The following ZFTA variants were observed in gnomAD, a reference collection of about 807,000 sequenced individuals.
The protein encoded by ZFTA is zinc finger translocation-associated protein.
Under a neutral mutation model 41.8 loss-of-function variants are expected in ZFTA, and 35 were observed. The observed-to-expected ratio is 0.84, with a 90% confidence interval of 0.64 to 1.11. The LOEUF (loss-of-function observed/expected upper bound fraction) is 1.11. Ranked by LOEUF, ZFTA falls within the 50% of genes most tolerant of loss-of-function variation. ZFTA has a pLI of 0.00. For synonymous variants in ZFTA, 514 were observed against 436.4 expected, an observed-to-expected ratio of 1.18 and a Z score of -2.22; for missense variants, 964 against 989.8, an observed-to-expected ratio of 0.97 and a Z score of 0.35.
Position 63,764,185 on chromosome 11 carries a change from A to C in ZFTA, c.1438T>G (p.Trp480Gly). The C allele has an allele frequency of 7.3e-7, 1 of 1,378,360 alleles. No homozygotes were observed. The highest frequency in any genetic ancestry group is 9.3e-7 in the Non-Finnish European group (1 of 1,075,224). 85.4% of individuals were successfully genotyped at this position (1,378,360 alleles called of 1,614,324 possible). The change falls in exon 4 of 5, where the codon TGG (tryptophan) becomes GGG (glycine). Residue 480 changes from tryptophan to glycine, a missense_variant. Trp to Gly is a radical substitution (Grantham distance 184). Coordinates refer to ENST00000433688, the MANE Select transcript of ZFTA (RefSeq NM_001144936.2). ...AGCAGGTGGGCGGCCTTCTCGCTCC[A>C]CTCCCGGGCGATGAGGGCCTGGACA... Reference protein sequence around the residue: ...GPVQALIAREWSEKAAHLLAL... With the variant: ...GPVQALIAREGSEKAAHLLAL...
rs1298496891 is a variant in ZFTA at position 63,765,871 on chromosome 11, C to T, written c.573G>A (p.Glu191=). ...CCTCCTCCTCCTCTTCTTCCTCCTC[C>T]TCCTCCTCCTCAGCCCCCTGGACCC... ...GLGVQGAEEE[E]EEEEEEEEEG... Residue 191 remains glutamate (E), a synonymous_variant, in exon 2 of 5, where the codon GAG becomes GAA. Coordinates refer to ENST00000433688, the MANE Select transcript of ZFTA (RefSeq NM_001144936.2). The surrounding 1 kb of genome is among the most constrained non-coding windows in gnomAD (Gnocchi z 4.0). 15 of 1,526,378 alleles carry T rather than the reference C, an allele frequency of 9.8e-6. No homozygotes were observed. Among genetic ancestry groups the T allele is most frequent in the Non-Finnish European group, 8.8e-7 (1 of 1,136,372 alleles). The allele number at this position is 1,526,378 out of a possible 1,614,324, so 94.6% of individuals were successfully genotyped here. A position where few individuals can be genotyped will look rare whatever the true frequency, so the allele number is the denominator to read the frequency against.
chr11:63,768,450 G>C, intron 1 of ZFTA, 34 bp downstream of exon 1: 2 of 1,097,072 alleles, frequency 1.8e-6, no homozygotes, highest in Non-Finnish European at 2.2e-6. Context: ...CCCACGCCGG[G>C]GCCCCCGCCC....
At chr11:63,764,837 AG>A (rs1362104120) in intron 3 of ZFTA, 30 bp downstream of exon 3, 1 of 1,446,656 alleles carries the variant, frequency 6.9e-7, no homozygotes, top group Admixed American at 2.7e-5. Flanking sequence ...CCCCAGTATG[AG>A]GGGGTCTCAG....
In ZFTA at chr11:63,765,326, A is replaced by G. The variant is rs2135095494; in HGVS notation, c.638-72T>C. ...CATACCCACTACAGCCAGGTCTCCC[A>G]CAAGCCTCTCACTCACTTGGGCCCC... On this transcript the variant is annotated intron_variant, in intron 2 of 4. Coordinates refer to ENST00000433688, the MANE Select transcript of ZFTA (RefSeq NM_001144936.2). The surrounding 1 kb of genome is among the most constrained non-coding windows in gnomAD (Gnocchi z 4.0). 7.2e-7 allele frequency: 1 copy of G among 1,392,442 alleles called. No homozygotes were observed. The highest frequency in any genetic ancestry group is 1.6e-5 in the South Asian group (1 of 63,904). 86.3% of individuals were successfully genotyped at this position (1,392,442 alleles called of 1,614,324 possible).
chr11:63,766,237 C>T lies in ZFTA; in HGVS notation c.207G>A (p.Arg69=), dbSNP rs1335085801. ...TGCCTGAAGATGCTGGTCCCCTGGC[C>T]CTGGAGGAGGGCAGGGGGGCACTCC... ...SWGSAPLPSS[R]ARGPASSGRK... is the part of the protein sequence containing the mutation. The change falls in exon 2 of 5, where the codon AGG becomes AGA. Residue 69 remains arginine (R), a synonymous_variant. Transcript: ENST00000433688. 1.2e-5 allele frequency: 19 copies of T among 1,530,850 alleles called. No individual in the cohort carries two copies. Among genetic ancestry groups the T allele is most frequent in the Admixed American group, 1.0e-4 (5 of 47,984 alleles). The allele number at this position is 1,530,850 out of a possible 1,614,324, so 94.8% of individuals were successfully genotyped here. A position where few individuals can be genotyped will look rare whatever the true frequency, so the allele number is the denominator to read the frequency against.
In ZFTA at chr11:63,764,522, C is replaced by T. The variant is rs2014712895; in HGVS notation, c.1101G>A (p.Gln367=). ...SASAAGAPSS[Q]DLSPPDVKEE... is the part of the protein sequence containing the mutation. Reference sequence around the variant, plus strand: ...CCTTTACGTCTGGGGGGCTGAGATCCTGAGAGGAGGGGGCTCCAGCAGCGG... The same window carrying T: ...CCTTTACGTCTGGGGGGCTGAGATCTTGAGAGGAGGGGGCTCCAGCAGCGG... The change falls in exon 4 of 5, where the codon CAG becomes CAA. Residue 367 remains glutamine (Q), a synonymous_variant. Transcript: ENST00000433688. 2.4e-6 allele frequency: 3 copies of T among 1,257,544 alleles called. No homozygotes were observed. Among genetic ancestry groups the T allele is most frequent in the Non-Finnish European group, 3.0e-6 (3 of 995,726 alleles). The allele number at this position is 1,257,544 out of a possible 1,614,324, so 77.9% of individuals were successfully genotyped here. A position where few individuals can be genotyped will look rare whatever the true frequency, so the allele number is the denominator to read the frequency against.
rs759744647 is a variant in ZFTA at position 63,763,605 on chromosome 11, A to G, written c.1850T>C (p.Ile617Thr). 6.5e-7 allele frequency: 1 copy of G among 1,548,928 alleles called. No homozygotes were observed. Among genetic ancestry groups the G allele is most frequent in the South Asian group, 1.2e-5 (1 of 84,012 alleles). ...GTGCACCTGCAGGATGTGGCGCTTGATGGTGCTCACCTTGAGCGTGGCCAG... is the reference window on the plus strand; with the variant it reads ...GTGCACCTGCAGGATGTGGCGCTTGGTGGTGCTCACCTTGAGCGTGGCCAG... The part of the protein sequence containing the change: ...GALATLKVST[I>T]KRHILQVHPF... The change falls in exon 5 of 5, where the codon ATC (isoleucine) becomes ACC (threonine). Residue 617 changes from isoleucine to threonine, a missense_variant. By Grantham distance (89) the Ile-to-Thr change is moderately conservative (BLOSUM62 -1). Coordinates refer to ENST00000433688, the MANE Select transcript of ZFTA (RefSeq NM_001144936.2).
chr11:63,766,247 G>A lies in ZFTA; in HGVS notation c.197C>T (p.Pro66Leu). Reference sequence around the variant, plus strand: ...TGCTGGTCCCCTGGCCCTGGAGGAGGGCAGGGGGGCACTCCCCCAGGACCC... The same window carrying A: ...TGCTGGTCCCCTGGCCCTGGAGGAGAGCAGGGGGGCACTCCCCCAGGACCC... ...ALGSWGSAPLPSSRARGPASS... is the reference protein window; with the variant it reads ...ALGSWGSAPLLSSRARGPASS... Residue 66 changes from proline (P) to leucine (L), a missense_variant, in exon 2 of 5, where the codon CCC becomes CTC. Transcript: ENST00000433688. 6.6e-7 allele frequency: 1 copy of A among 1,523,622 alleles called. No homozygotes were observed. The highest frequency in any genetic ancestry group is 8.8e-7 in the Non-Finnish European group (1 of 1,137,222). The allele number at this position is 1,523,622 out of a possible 1,614,324, so 94.4% of individuals were successfully genotyped here.
rs947389351 is a variant in ZFTA at position 63,763,345 on chromosome 11, G to C, written c.*73C>G. On this transcript the variant is annotated 3_prime_UTR_variant, in exon 5 of 5. Transcript: ENST00000433688. ...CGGACGCGAGGGTCTCCCAGCCGAA[G>C]GGCCGGGCGAGCACAGGGCGGGGCG... 2 of 1,088,600 alleles carry C rather than the reference G, an allele frequency of 1.8e-6. No homozygotes were observed. The highest frequency in any genetic ancestry group is 3.4e-5 in the African/African-American group (2 of 59,238). 67.4% of individuals were successfully genotyped at this position (1,088,600 alleles called of 1,614,324 possible).
rs1435959734 is a variant in ZFTA, at chr11:63,762,028, C to G, written c.*1390G>C. On this transcript the variant is annotated 3_prime_UTR_variant, in exon 5 of 5. Transcript: ENST00000433688. Reference sequence around the variant, plus strand: ...CCTCAAGTTCCACCCACTAGCCTCCCCGCCCCGGCTTTAGGACCGCGGGAA... The same window carrying G: ...CCTCAAGTTCCACCCACTAGCCTCCGCGCCCCGGCTTTAGGACCGCGGGAA... 1.3e-5 allele frequency: 2 copies of G among 152,442 alleles called. No individual in the cohort carries two copies. The highest frequency in any genetic ancestry group is 2.9e-5 in the Non-Finnish European group (2 of 68,222). The allele number at this position is 152,442 out of a possible 1,614,324, so 9.4% of individuals were successfully genotyped here. A position where few individuals can be genotyped will look rare whatever the true frequency, so the allele number is the denominator to read the frequency against.
In ZFTA at chr11:63,768,470, G is replaced by A; in HGVS notation, c.139+14C>T. On this transcript the variant is annotated intron_variant, in intron 1 of 4. Transcript: ENST00000433688. ...GCCGGGGCCCCCGCCCGGGCCGCCG[G>A]CCCCAGCTCTTACCGCCTTCGTCTT... 2.6e-6 allele frequency: 3 copies of A among 1,143,312 alleles called. No individual in the cohort carries two copies. Among genetic ancestry groups the A allele is most frequent in the East Asian group, 5.8e-5 (1 of 17,266 alleles). 70.8% of individuals were successfully genotyped at this position (1,143,312 alleles called of 1,614,324 possible). A position where few individuals can be genotyped will look rare whatever the true frequency, so the allele number is the denominator to read the frequency against.
intron 1 of ZFTA, chr11:63,767,462 G>A (rs2135098296): frequency 6.6e-6 from 1 of 152,410 alleles, no homozygotes; most frequent in East Asian, 1.9e-4. Context: ...GATAGGTCAT[G>A]TCCGCACTCT....
intron 4 of ZFTA, 63 bp downstream of exon 4, chr11:63,763,975 G>T: frequency 7.6e-7 from 1 of 1,314,986 alleles, no homozygotes; most frequent in Non-Finnish European, 9.9e-7. Flanking sequence ...CCATCCTCCA[G>T]TCCCTTCTGC....
At position 63,760,408 on chromosome 11, in the gene ZFTA, C is replaced by T. The variant is rs975810495; in HGVS notation, c.*3010G>A. On this transcript the variant is annotated 3_prime_UTR_variant, in exon 5 of 5. Coordinates refer to ENST00000433688, the MANE Select transcript of ZFTA (RefSeq NM_001144936.2). ...CAACATACCTCTTAGAAAACTTAGG[C>T]TGAAATATTTTTTAAATGACTGATG... The T allele has an allele frequency of 6.6e-6, 1 of 152,138 alleles. No individual in the cohort carries two copies. The highest frequency in any genetic ancestry group is 1.5e-5 in the Non-Finnish European group (1 of 68,028). 9.4% of individuals were successfully genotyped at this position (152,138 alleles called of 1,614,324 possible).
chr11:63,766,325 A>G, intron 1 of ZFTA, 21 bp from the exon 2 acceptor site: 1 of 1,410,810 alleles, frequency 7.1e-7, no homozygotes. Flanking sequence ...GGAAAGGGAG[A>G]CAGTTTTTCA....
chr11:63,765,757 C>T lies in ZFTA; in HGVS notation c.637+50G>A, dbSNP rs933048670. Reference sequence around the variant, plus strand: ...TGGCAGAGCAGCTGGCCCACTGTGCCCCACTGGCCACCCAGGCCCCTGCCT... The same window carrying T: ...TGGCAGAGCAGCTGGCCCACTGTGCTCCACTGGCCACCCAGGCCCCTGCCT... On this transcript the variant is annotated intron_variant, in intron 2 of 4. Transcript: ENST00000433688. The surrounding 1 kb of genome is among the most constrained non-coding windows in gnomAD (Gnocchi z 4.0). The T allele has an allele frequency of 1.4e-6, 2 of 1,433,894 alleles. No homozygotes were observed. The highest frequency in any genetic ancestry group is 5.8e-5 in the Admixed American group (2 of 34,536). The allele number at this position is 1,433,894 out of a possible 1,614,324, so 88.8% of individuals were successfully genotyped here.
At position 63,765,175 on chromosome 11, in the gene ZFTA, G is replaced by C; in HGVS notation, c.717C>G (p.Leu239=). Residue 239 remains leucine (L), a synonymous_variant, in exon 3 of 5, where the codon CTC becomes CTG. Coordinates refer to ENST00000433688, the MANE Select transcript of ZFTA (RefSeq NM_001144936.2). The surrounding 1 kb of genome is among the most constrained non-coding windows in gnomAD (Gnocchi z 4.0). Reference sequence around the variant, plus strand: ...TGCCCCCGGCCCTCCGGGAGGCTGAGAGGCGCAGACGCCGAGCCCGGGGTG... The same window carrying C: ...TGCCCCCGGCCCTCCGGGAGGCTGACAGGCGCAGACGCCGAGCCCGGGGTG... ...PVAPRARRLR[L]SASRRAGGSR... The C allele has an allele frequency of 3.2e-6, 5 of 1,539,640 alleles. No individual in the cohort carries two copies. Among genetic ancestry groups the C allele is most frequent in the Non-Finnish European group, 4.4e-6 (5 of 1,143,288 alleles).
Position 63,763,876 on chromosome 11 carries a change from A to G in ZFTA, c.1586-7T>C. Reference sequence around the variant, plus strand: ...GGGGACAGCGGAACGTCGCCTAAGGAGGGACAAAGGACCGCATTGGCGACG... The same window carrying G: ...GGGGACAGCGGAACGTCGCCTAAGGGGGGACAAAGGACCGCATTGGCGACG... On this transcript the variant is annotated splice_polypyrimidine_tract_variant and splice_region_variant and intron_variant, in intron 4 of 4. Transcript: ENST00000433688. 1 of 1,419,320 alleles carries G rather than the reference A, an allele frequency of 7.0e-7. No individual in the cohort carries two copies. Among genetic ancestry groups the G allele is most frequent in the East Asian group, 2.7e-5 (1 of 36,582 alleles). 87.9% of individuals were successfully genotyped at this position (1,419,320 alleles called of 1,614,324 possible). A position where few individuals can be genotyped will look rare whatever the true frequency, so the allele number is the denominator to read the frequency against.
intron 1 of ZFTA, among the ~76,000 whole-genome samples, 171 bp downstream of exon 1, chr11:63,768,313 G>T (rs1416205108): frequency 4.7e-5 from 7 of 149,784 alleles, no homozygotes; most frequent in South Asian, 2.1e-4. Flanking sequence ...GGAGCTGGGC[G>T]GGGGGCTCCC....
Sources: gnomAD v4.1 joint callset for allele counts (sites outside exome capture counted in the v4.1 genomes callset) on GRCh38, gnomAD v4.1.1 for gene constraint, Gnocchi (gnomAD v3.1) non-coding constraint, MANE v1.5 for transcripts, NCBI Gene and HGNC (gene_info 2026-07-23, HGNC 2026-07-21) for gene names.